Variants in SLCO4A1 observed in about 807,000 individuals in gnomAD.
The protein encoded by SLCO4A1 is colon organic anion transporter.
In SLCO4A1, 51 loss-of-function variants were observed where a neutral mutation model predicts 64.6. The ratio of observed to expected loss-of-function variants is 0.79; its 90% CI spans 0.63 to 1.00. The LOEUF is 1.00. SLCO4A1 is among the 50% of genes least tolerant of loss of function. SLCO4A1 has a pLI of 0.00. For missense variants in SLCO4A1, 919 were observed against 980.5 expected (o/e 0.94, Z 0.84); for synonymous variants, 471 against 444.9 (o/e 1.06, Z -0.74).
Position 62,660,468 on chromosome 20 carries a change from T to G in SLCO4A1, c.944T>G (p.Leu315Arg), listed in dbSNP as rs1238817159. ...GTCGGCGCCTGGTGGGTCGGCTTCCTGGGCTCTGGGGCCGCTGCTTTCTTC... is the reference window on the plus strand; with the variant it reads ...GTCGGCGCCTGGTGGGTCGGCTTCCGGGGCTCTGGGGCCGCTGCTTTCTTC... ...LWVGAWWVGF[L>R]GSGAAAFFTA... The change falls in exon 4 of 12, where the codon CTG becomes CGG. Residue 315 changes from leucine to arginine, a missense_variant. Transcript: ENST00000217159. The G allele has an allele frequency of 6.2e-7, 1 of 1,602,832 alleles. No homozygotes were observed. Among genetic ancestry groups the G allele is most frequent in the East Asian group, 2.2e-5 (1 of 44,832 alleles).
Position 62,661,023 on chromosome 20 carries a change from G to GGCCCCCCCC in SLCO4A1, c.1010-41_1010-40insGCCCCCCCC. 9 of 732,782 alleles carry GGCCCCCCCC rather than the reference G, an allele frequency of 1.2e-5. 1 individual carries two copies. Among genetic ancestry groups the GGCCCCCCCC allele is most frequent in the African/African-American group, 3.4e-5 (2 of 58,650 alleles). The allele number at this position is 732,782 out of a possible 1,614,324, so 45.4% of individuals were successfully genotyped here. The stretch of plus-strand genomic sequence containing the variant: ...CTCTCGGAGAAGTCCACCTCCGGGA[G>GGCCCCCCCC]CCCCCAGCCCCCAGCCCCAGCTCAC... On this transcript the variant is annotated intron_variant, in intron 4 of 11. Transcript: ENST00000217159. This position sits in a 1 kb window ranked among gnomAD's most constrained non-coding sequence, Gnocchi z 5.2.
At chr20:62,643,537 T>C (rs1182352801) in intron 1 of SLCO4A1, among the ~76,000 whole-genome samples, 1 of 152,264 alleles carries the variant, frequency 6.6e-6, no homozygotes, top group African/African-American at 2.4e-5. Flanking sequence ...CTATGCGTCC[T>C]GTTTCTGTCT....
rs535503716 is a variant in SLCO4A1 at position 62,661,976 on chromosome 20, C to T, written c.1121+801C>T. Reference sequence around the variant, plus strand: ...CCTCAGGGTGGCCACCACCCAAGTCCTCAGCGTCTGAGGCCCCAGCACGGG... The same window carrying T: ...CCTCAGGGTGGCCACCACCCAAGTCTTCAGCGTCTGAGGCCCCAGCACGGG... On this transcript the variant is annotated intron_variant, in intron 5 of 11. Coordinates refer to ENST00000217159, the MANE Select transcript of SLCO4A1 (RefSeq NM_016354.4). The surrounding 1 kb of genome is among the most constrained non-coding windows in gnomAD (Gnocchi z 5.2). 6.6e-6 allele frequency among the ~76,000 whole-genome samples: 1 copy of T among 152,274 alleles called. No homozygotes were observed. The highest frequency in any genetic ancestry group is 1.9e-4 in the East Asian group (1 of 5,160).
chr20:62,687,045 A>C (rs1433719150), downstream of SLCO4A1, among the ~76,000 whole-genome samples: 1 of 119,868 alleles, frequency 8.3e-6, no homozygotes. Context: ...CCCAAACAGG[A>C]GCAATGGGAA....
chr20:62,666,323 C>T lies in SLCO4A1; in HGVS notation c.1277-57C>T, dbSNP rs564781186. On this transcript the variant is annotated intron_variant, in intron 6 of 11. Transcript: ENST00000217159. Reference sequence around the variant, plus strand: ...AAAGTGGACCCGGCTGATCCACCACCCTCTCCCACCACGGCCCCCTGCCTG... The same window carrying T: ...AAAGTGGACCCGGCTGATCCACCACTCTCTCCCACCACGGCCCCCTGCCTG... The T allele has an allele frequency of 4.2e-5, 64 of 1,515,184 alleles. No homozygotes were observed. In the African/African-American group the frequency reaches 7.7e-4, roughly 18 times the overall value. 93.9% of individuals were successfully genotyped at this position (1,515,184 alleles called of 1,614,324 possible).
At chr20:62,647,814 C>T (rs932218322) in intron 1 of SLCO4A1, among the ~76,000 whole-genome samples, 3 of 152,220 alleles carry the variant, frequency 2.0e-5, no homozygotes, top group Non-Finnish European at 2.9e-5. Context: ...GCCAGCCACC[C>T]GCACGTGGCC....
At chr20:62,651,614 G>A (rs145983106) in intron 1 of SLCO4A1, 2 of 152,258 alleles carry the variant, frequency 1.3e-5, no homozygotes, top group Non-Finnish European at 2.9e-5. Context: ...TTATGTCAGA[G>A]CTTTTAATTC....
At chr20:62,687,192 T>C (rs910559934), downstream of SLCO4A1, among the ~76,000 whole-genome samples, 1 of 148,678 alleles carries the variant, frequency 6.7e-6, no homozygotes, top group African/African-American at 2.5e-5. Flanking sequence ...ACAGGAGCGA[T>C]GGAAAGGGCA....
At chr20:62,643,148 C>A in intron 1 of SLCO4A1, 1 of 389,072 alleles carries the variant, frequency 2.6e-6, no homozygotes, top group Non-Finnish European at 5.4e-6. Context: ...GCGCACAGGG[C>A]TAGTTTCCAG....
At chr20:62,665,195 G>A (rs917057299) in intron 6 of SLCO4A1, 107 bp downstream of exon 6, 1 of 1,290,824 alleles carries the variant, frequency 7.7e-7, no homozygotes, top group Non-Finnish European at 1.1e-6. Context: ...ATGGCAGTGA[G>A]TGCCCTCCCA....
At position 62,654,213 on chromosome 20, in the gene SLCO4A1, C is replaced by G. The variant is rs923804064; in HGVS notation, c.-96-2146C>G. Among the ~76,000 whole-genome samples the G allele has an allele frequency of 3.3e-5, 5 of 152,312 alleles. No homozygotes were observed. The South Asian group carries it at 1.0e-3, about 32-fold the overall frequency. ...GTCTCTGTCTCTGTCTGCAGGTGGCCTTCTCTGTGTCATCTTCTCCTCTAA... is the reference window on the plus strand; with the variant it reads ...GTCTCTGTCTCTGTCTGCAGGTGGCGTTCTCTGTGTCATCTTCTCCTCTAA... On this transcript the variant is annotated intron_variant, in intron 1 of 11. Transcript: ENST00000217159.
chr20:62,666,401 G>A lies in SLCO4A1; in HGVS notation c.1298G>A (p.Gly433Asp). 1 of 1,612,936 alleles carries A rather than the reference G, an allele frequency of 6.2e-7. No homozygotes were observed. The highest frequency in any genetic ancestry group is 8.5e-7 in the Non-Finnish European group (1 of 1,179,914). The change falls in exon 7 of 12, where the codon GGT becomes GAT. Residue 433 changes from glycine (G) to aspartate (D), a missense_variant. Coordinates refer to ENST00000217159, the MANE Select transcript of SLCO4A1 (RefSeq NM_016354.4). The stretch of plus-strand genomic sequence containing the variant: ...CCAGGGTACCTGGTGGTGCCAGCGG[G>A]TGGTGGCGGCACCTTCCTGGGCGGC... ...TLFGYLVVPA[G>D]GGGTFLGGFF...
Position 62,645,511 on chromosome 20 carries a change from T to C in SLCO4A1, c.-97+2958T>C, listed in dbSNP as rs1452115464. Among the ~76,000 whole-genome samples, 2 of 143,996 alleles carry C rather than the reference T, an allele frequency of 1.4e-5. No individual in the cohort carries two copies. Among genetic ancestry groups the C allele is most frequent in the African/African-American group, 5.1e-5 (2 of 39,352 alleles). 94.5% of individuals were successfully genotyped at this position (143,996 alleles called of 152,430 possible). On this transcript the variant is annotated intron_variant, in intron 1 of 11. Coordinates refer to ENST00000217159, the MANE Select transcript of SLCO4A1 (RefSeq NM_016354.4). The surrounding 1 kb of genome is among the most constrained non-coding windows in gnomAD (Gnocchi z 4.2). Reference sequence around the variant, plus strand: ...ACCCACACCCGCACCCTCACCCTCATCCTCACCCGCAGCCTCACCCTCAGT... The same window carrying C: ...ACCCACACCCGCACCCTCACCCTCACCCTCACCCGCAGCCTCACCCTCAGT...
In SLCO4A1 at chr20:62,642,612, A is replaced by G. The variant is rs570823297; in HGVS notation, c.-97+59A>G. On this transcript the variant is annotated intron_variant, in intron 1 of 11. Coordinates refer to ENST00000217159, the MANE Select transcript of SLCO4A1 (RefSeq NM_016354.4). ...TGCACAGGGCCCGACCTGCTGGCGT[A>G]GGAGCGCGGCAGGTGCCGCCATCGT... 42 of 167,166 alleles carry G rather than the reference A, an allele frequency of 2.5e-4. No homozygotes were observed. The East Asian group carries it at 7.4e-3, about 30-fold the overall frequency. 10.4% of individuals were successfully genotyped at this position (167,166 alleles called of 1,614,324 possible).
At chr20:62,662,762 ACCCCCC>A (rs554571975) in intron 5 of SLCO4A1, among the ~76,000 whole-genome samples, 1 of 127,900 alleles carries the variant, frequency 7.8e-6, no homozygotes, top group African/African-American at 2.9e-5. Context: ...ATATGCCAGG[ACCCCCC>A]CAGGGTGCCC....
intron 1 of SLCO4A1, chr20:62,652,131 T>C (rs1202951311): frequency 2.0e-5 from 3 of 150,908 alleles, no homozygotes; most frequent in African/African-American, 7.3e-5. Flanking sequence ...CCCGCCTGCG[T>C]CAGGCTGTTC....
chr20:62,668,528 A>G lies in SLCO4A1; in HGVS notation c.1863A>G (p.Val621=). 6.2e-7 allele frequency: 1 copy of G among 1,613,494 alleles called. No individual in the cohort carries two copies. Among genetic ancestry groups the G allele is most frequent in the South Asian group, 1.1e-5 (1 of 91,074 alleles). ...RSFALGIQWI[V]VRILGGIPGP... ...TTGCCCTGGGAATCCAGTGGATTGT[A>G]GTTAGAATACTAGGTACTGTGCAGT... The change falls in exon 10 of 12, where the codon GTA becomes GTG. Residue 621 remains valine (V), a synonymous_variant. Transcript: ENST00000217159.
In SLCO4A1 at chr20:62,685,428, T is replaced by A; in HGVS notation, n.212-13T>A. 1 of 984,804 alleles carries A rather than the reference T, an allele frequency of 1.0e-6. No individual in the cohort carries two copies. Among genetic ancestry groups the A allele is most frequent in the Non-Finnish European group, 1.2e-6 (1 of 829,338 alleles). 61.0% of individuals were successfully genotyped at this position (984,804 alleles called of 1,614,324 possible). ...GGCTGTTTTCTTGCTTTGTTTGTTG[T>A]TTTTTTCTTAAGGAAGAAGAGAATG... is the stretch of plus-strand genomic sequence containing the variant. On this transcript the variant is annotated splice_polypyrimidine_tract_variant and intron_variant and non_coding_transcript_variant, in intron 2 of 2. Coordinates refer to the SLCO4A1 transcript ENST00000466818. This position sits in a 1 kb window ranked among gnomAD's most constrained non-coding sequence, Gnocchi z 4.6.
chr20:62,673,309 C>T (rs1987415327), downstream of SLCO4A1, among the ~76,000 whole-genome samples: 1 of 142,994 alleles, frequency 7.0e-6, no homozygotes, highest in African/African-American at 2.5e-5. Flanking sequence ...AAGTGGATCG[C>T]CACTCAGAAG....
Sources: allele counts gnomAD v4.1 joint callset (sites outside exome capture counted in the v4.1 genomes callset), GRCh38; gene constraint gnomAD v4.1.1; non-coding constraint Gnocchi (gnomAD v3.1); transcripts MANE v1.5; gene names NCBI Gene and HGNC (gene_info 2026-07-23, HGNC 2026-07-21).